Variants in NFATC2IP observed in about 807,000 individuals in gnomAD.
NFATC2IP encodes the protein NFATC2-interacting protein.
In NFATC2IP, 25 loss-of-function variants were observed where a neutral mutation model predicts 40.2. The ratio of observed to expected loss-of-function variants is 0.62; its 90% CI spans 0.45 to 0.87. The LOEUF is 0.87. Among genes scored for constraint, NFATC2IP ranks in the 40% least tolerant of loss-of-function variants. The pLI, the probability that NFATC2IP is intolerant of heterozygous loss-of-function variation, is 0.00. For synonymous variants in NFATC2IP, 241 were observed against 236.3 expected (o/e 1.02, Z -0.18); for missense variants, 553 against 555.6 (o/e 1.00, Z 0.05).
rs573372140 is a variant in NFATC2IP, at chr16:28,958,774, A to G, written c.904A>G (p.Ser302Gly). 1.9e-5 allele frequency: 30 copies of G among 1,613,994 alleles called. No individual in the cohort carries two copies. The highest frequency in any genetic ancestry group is 1.9e-5 in the Non-Finnish European group (23 of 1,179,904). ...GGCCACCCACCTTGGGGTGTCCCCA[A>G]GCAGGATCCTTTTGCTTTTTGGAGA... is the stretch of plus-strand genomic sequence containing the variant. ...HMATHLGVSP[S>G]RILLLFGETE... The change falls in exon 6 of 8, where the codon AGC (serine) becomes GGC (glycine). Residue 302 changes from serine (S) to glycine (G), a missense_variant. Coordinates refer to ENST00000320805, the MANE Select transcript of NFATC2IP (RefSeq NM_032815.4).
Position 28,962,078 on chromosome 16 carries a change from A to AT in NFATC2IP, c.1102-1619dup, listed in dbSNP as rs940614299. Among the ~76,000 whole-genome samples, 13 of 151,134 alleles carry AT rather than the reference A, an allele frequency of 8.6e-5. No individual in the cohort carries two copies. In the South Asian group the frequency reaches 1.7e-3, roughly 20 times the overall value. On this transcript the variant is annotated intron_variant, in intron 7 of 7. Coordinates refer to ENST00000320805, the MANE Select transcript of NFATC2IP (RefSeq NM_032815.4). ...GCCACTACCCTTGGCTAATTTTTTAATTTTTTTTGTGTAGACGGGGTCTCA... is the reference window on the plus strand; with the variant it reads ...GCCACTACCCTTGGCTAATTTTTTAATTTTTTTTTGTGTAGACGGGGTCTCA...
intron 3 of NFATC2IP, 144 bp downstream of exon 3, chr16:28,954,826 C>T (rs1965003390): frequency 6.9e-6 from 4 of 579,668 alleles, no homozygotes; most frequent in South Asian, 4.3e-5. Context: ...GGGAATGAAT[C>T]GCTTGGGGAA....
rs543614364 is a variant in NFATC2IP at position 28,956,205 on chromosome 16, T to C, written c.714T>C (p.Pro238=). 5 of 1,613,886 alleles carry C rather than the reference T, an allele frequency of 3.1e-6. No homozygotes were observed. In the South Asian group the frequency reaches 5.5e-5, roughly 18 times the overall value. Residue 238 remains proline (P), a synonymous_variant, in exon 5 of 8, where the codon CCT becomes CCC. Coordinates refer to ENST00000320805, the MANE Select transcript of NFATC2IP (RefSeq NM_032815.4). ...DLRSCLSPKP[P]QGQEQQGQED... Reference sequence around the variant, plus strand: ...GTTCCTGTCTGAGCCCCAAGCCACCTCAGGGTCAAGAGCAACAGGGCCAAG... The same window carrying C: ...GTTCCTGTCTGAGCCCCAAGCCACCCCAGGGTCAAGAGCAACAGGGCCAAG...
rs963452659 is a variant in NFATC2IP, at chr16:28,965,823, G to T, written c.*1960G>T. 2.6e-5 allele frequency: 4 copies of T among 152,038 alleles called. No individual in the cohort carries two copies. Among genetic ancestry groups the T allele is most frequent in the African/African-American group, 9.7e-5 (4 of 41,374 alleles). The allele number at this position is 152,038 out of a possible 1,614,324, so 9.4% of individuals were successfully genotyped here. A position where few individuals can be genotyped will look rare whatever the true frequency, so the allele number is the denominator to read the frequency against. Reference sequence around the variant, plus strand: ...TAATCCCAGCACTTTCGGTGGCCGGGGTGGGTGGATCACTTGAGGCCAGGA... The same window carrying T: ...TAATCCCAGCACTTTCGGTGGCCGGTGTGGGTGGATCACTTGAGGCCAGGA... On this transcript the variant is annotated 3_prime_UTR_variant, in exon 8 of 8. Transcript: ENST00000320805.
Position 28,960,424 on chromosome 16 carries a change from T to TA in NFATC2IP, c.1101+1326dup, listed in dbSNP as rs1965072870. ...CTTAACCCATCCCAGCATCAACTCT[T>TA]AAGCCCAAAATCTCATTTAAATATA... On this transcript the variant is annotated intron_variant, in intron 7 of 7. Coordinates refer to ENST00000320805, the MANE Select transcript of NFATC2IP (RefSeq NM_032815.4). Among the ~76,000 whole-genome samples, 4 of 152,226 alleles carry TA rather than the reference T, an allele frequency of 2.6e-5. No individual in the cohort carries two copies. In the South Asian group the frequency reaches 8.3e-4, roughly 32 times the overall value.
At position 28,966,444 on chromosome 16, in the gene NFATC2IP, T is replaced by TAAAAAA. The variant is rs869184973; in HGVS notation, c.*2597_*2602dup. The TAAAAAA allele has an allele frequency of 4.9e-5, 6 of 122,096 alleles. No individual in the cohort carries two copies. The highest frequency in any genetic ancestry group is 1.6e-4 in the African/African-American group (5 of 31,482). The allele number at this position is 122,096 out of a possible 1,614,324, so 7.6% of individuals were successfully genotyped here. The stretch of plus-strand genomic sequence containing the variant: ...GGCAACACAGCGAGACCTTGTCTCT[T>TAAAAAA]AAAAAAAAAAAAAAAAAAAAATGAG... On this transcript the variant is annotated 3_prime_UTR_variant, in exon 8 of 8. Coordinates refer to ENST00000320805, the MANE Select transcript of NFATC2IP (RefSeq NM_032815.4).
chr16:28,961,938 C>A (rs978255385), intron 7 of NFATC2IP, among the ~76,000 whole-genome samples: 1 of 145,336 alleles, frequency 6.9e-6, no homozygotes, highest in Non-Finnish European at 1.5e-5. Context: ...GGGTCTTGCT[C>A]TGTTGCCCAG....
Position 28,951,381 on chromosome 16 carries a change from C to T in NFATC2IP, c.370C>T (p.Pro124Ser). The T allele has an allele frequency of 1.4e-6, 2 of 1,400,934 alleles. No homozygotes were observed. The allele number at this position is 1,400,934 out of a possible 1,614,324, so 86.8% of individuals were successfully genotyped here. The change falls in exon 1 of 8, where the codon CCG (proline) becomes TCG (serine). Residue 124 changes from proline to serine, a missense_variant. By Grantham distance (74) the Pro-to-Ser change is moderately conservative (BLOSUM62 -1). Transcript: ENST00000320805. ...GGATCCGGGGGAGGCGCCGCTGGTT[C>T]CGGTGTACTCGGGGAAGGTGCGCCC... ...VLDPGEAPLVPVYSGKVKSSL... is the reference protein window; with the variant it reads ...VLDPGEAPLVSVYSGKVKSSL...
At chr16:28,960,404 C>T (rs929003864) in intron 7 of NFATC2IP, among the ~76,000 whole-genome samples, 5 of 152,134 alleles carry the variant, frequency 3.3e-5, no homozygotes, top group African/African-American at 9.7e-5. Context: ...CAAGTCTTAA[C>T]CCATCCCAGC....
intron 1 of NFATC2IP, 115 bp from the exon 2 acceptor site, chr16:28,952,017 C>T: frequency 7.0e-7 from 1 of 1,432,230 alleles, no homozygotes; most frequent in Admixed American, 1.9e-5. Context: ...GCCAAGGTGT[C>T]CACGATCTTA....
In NFATC2IP at chr16:28,963,917, C is replaced by T. The variant is rs557911918; in HGVS notation, c.*54C>T. On this transcript the variant is annotated 3_prime_UTR_variant, in exon 8 of 8. Coordinates refer to ENST00000320805, the MANE Select transcript of NFATC2IP (RefSeq NM_032815.4). ...CTGGACTTGGGGAGAATGACTTTCC[C>T]TTTTTTGCCCCATAAGGGCTAGCAT... 10 of 1,564,660 alleles carry T rather than the reference C, an allele frequency of 6.4e-6. No homozygotes were observed. In the East Asian group the frequency reaches 1.8e-4, roughly 28 times the overall value.
intron 1 of NFATC2IP, 31 bp from the exon 2 acceptor site, chr16:28,952,101 C>T (rs2141637928): frequency 1.2e-6 from 2 of 1,613,402 alleles, no homozygotes; most frequent in East Asian, 2.2e-5. Flanking sequence ...AGGACTTGGG[C>T]CTGACCCCTC....
intron 5 of NFATC2IP, among the ~76,000 whole-genome samples, chr16:28,957,279 T>A (rs1965031934): frequency 1.3e-5 from 2 of 151,802 alleles, no homozygotes; most frequent in Admixed American, 1.3e-4. Flanking sequence ...AGTGTTCCCC[T>A]GTCTCAGCTT....
In NFATC2IP at chr16:28,966,877, A is replaced by G. The variant is rs1480631025; in HGVS notation, c.*3014A>G. On this transcript the variant is annotated 3_prime_UTR_variant, in exon 8 of 8. Coordinates refer to ENST00000320805, the MANE Select transcript of NFATC2IP (RefSeq NM_032815.4). ...ATGTCTACTAAAAAAAAAGCCATTAACCTTTCTCTAATATTTGCATGATTC... is the reference window on the plus strand; with the variant it reads ...ATGTCTACTAAAAAAAAAGCCATTAGCCTTTCTCTAATATTTGCATGATTC... 6.6e-6 allele frequency: 1 copy of G among 152,192 alleles called. No homozygotes were observed. The highest frequency in any genetic ancestry group is 6.6e-5 in the Admixed American group (1 of 15,260). The allele number at this position is 152,192 out of a possible 1,614,324, so 9.4% of individuals were successfully genotyped here. A position where few individuals can be genotyped will look rare whatever the true frequency, so the allele number is the denominator to read the frequency against.
rs1302290665 is a variant in NFATC2IP at position 28,967,085 on chromosome 16, A to G, written c.*3222A>G. Reference sequence around the variant, plus strand: ...TAACCTCAACAAAATAAATGGCAATATGTTCAACTTGTGTATACTGGAGGA... The same window carrying G: ...TAACCTCAACAAAATAAATGGCAATGTGTTCAACTTGTGTATACTGGAGGA... On this transcript the variant is annotated 3_prime_UTR_variant, in exon 8 of 8. Transcript: ENST00000320805. 1 of 152,166 alleles carries G rather than the reference A, an allele frequency of 6.6e-6. No individual in the cohort carries two copies. The highest frequency in any genetic ancestry group is 1.5e-5 in the Non-Finnish European group (1 of 68,030). The allele number at this position is 152,166 out of a possible 1,614,324, so 9.4% of individuals were successfully genotyped here.
At position 28,951,057 on chromosome 16, in the gene NFATC2IP, G is replaced by T. The variant is rs1382978657; in HGVS notation, c.46G>T (p.Gly16Cys). ...GCGGGGCCGCTGGTCCGGAGGTAGC[G>T]GTGCCGGCCGAGGGGGTCGGGGCGG... is the stretch of plus-strand genomic sequence containing the variant. ...GKRGRWSGGS[G>C]AGRGGRGGWG... The change falls in exon 1 of 8, where the codon GGT (glycine) becomes TGT (cysteine). Residue 16 changes from glycine (G) to cysteine (C), a missense_variant. Coordinates refer to ENST00000320805, the MANE Select transcript of NFATC2IP (RefSeq NM_032815.4). 6.5e-7 allele frequency: 1 copy of T among 1,540,216 alleles called. No individual in the cohort carries two copies. The highest frequency in any genetic ancestry group is 8.7e-7 in the Non-Finnish European group (1 of 1,143,624).
In NFATC2IP at chr16:28,956,556, C is replaced by T; in HGVS notation, c.846+219C>T. 3 of 563,180 alleles carry T rather than the reference C, an allele frequency of 5.3e-6. No individual in the cohort carries two copies. In the South Asian group the frequency reaches 6.8e-5, roughly 13 times the overall value. The allele number at this position is 563,180 out of a possible 1,614,324, so 34.9% of individuals were successfully genotyped here. A position where few individuals can be genotyped will look rare whatever the true frequency, so the allele number is the denominator to read the frequency against. Reference sequence around the variant, plus strand: ...CCCTCTCTTTCTGGCAAACTTTCTACCCATTCTTCAAGGCTCCTCATAAGC... The same window carrying T: ...CCCTCTCTTTCTGGCAAACTTTCTATCCATTCTTCAAGGCTCCTCATAAGC... On this transcript the variant is annotated intron_variant, in intron 5 of 7. Transcript: ENST00000320805.
At position 28,951,320 on chromosome 16, in the gene NFATC2IP, G is replaced by A. The variant is rs1428717718; in HGVS notation, c.309G>A (p.Pro103=). 10 of 1,409,644 alleles carry A rather than the reference G, an allele frequency of 7.1e-6. 1 individual carries two copies. The East Asian group carries it at 2.9e-4, about 41-fold the overall frequency. 87.3% of individuals were successfully genotyped at this position (1,409,644 alleles called of 1,614,324 possible). ...AGGACAGGCGGCCCGCAGGACCCCC[G>A]CGGGAGCCGGTCAGGCGGCGGCGGC... The part of the protein sequence containing the change: ...EGEDRRPAGP[P]REPVRRRRRL... Residue 103 remains proline, a synonymous_variant, in exon 1 of 8, where the codon CCG becomes CCA. Transcript: ENST00000320805.
Position 28,965,296 on chromosome 16 carries a change from A to G in NFATC2IP, c.*1433A>G, listed in dbSNP as rs1200958432. The G allele has an allele frequency of 1.3e-5, 2 of 152,148 alleles. No individual in the cohort carries two copies. The highest frequency in any genetic ancestry group is 6.6e-5 in the Admixed American group (1 of 15,258). 9.4% of individuals were successfully genotyped at this position (152,148 alleles called of 1,614,324 possible). On this transcript the variant is annotated 3_prime_UTR_variant, in exon 8 of 8. Transcript: ENST00000320805. ...TTCTTGGGCAATTGCAGATAATTCC[A>G]AGAATGCATATTTGGGCTGGGTATG...
Sources: allele counts gnomAD v4.1 joint callset (sites outside exome capture counted in the v4.1 genomes callset), GRCh38; gene constraint gnomAD v4.1.1; transcripts MANE v1.5; gene names NCBI Gene and HGNC (gene_info 2026-07-23, HGNC 2026-07-21).